The following ATP8A2 variants were observed in gnomAD, a reference collection of about 807,000 sequenced individuals.
ATP8A2 encodes phospholipid-transporting ATPase IB.
ATP8A2 carries 100 observed loss-of-function variants against 165.6 expected under a neutral mutation model. The ratio of observed to expected loss-of-function variants is 0.60; its 90% CI spans 0.51 to 0.71. The LOEUF (loss-of-function observed/expected upper bound fraction) is 0.71, where lower values mean the gene tolerates loss of function less well. ATP8A2 is among the 30% of genes least tolerant of loss of function. The probability of loss-of-function intolerance (pLI) is 0.00; values close to 1 mark genes in which losing one functional copy is unlikely to be tolerated. For missense variants in ATP8A2, 1,227 were observed against 1,479.5 expected, an observed-to-expected ratio of 0.83 and a Z score of 2.80; for synonymous variants, 543 against 548.8, an observed-to-expected ratio of 0.99 and a Z score of 0.15.
intron 33 of ATP8A2, among the ~76,000 whole-genome samples, chr13:25,917,890 T>C (rs919834266): frequency 6.6e-6 from 1 of 152,236 alleles, no homozygotes; most frequent in African/African-American, 2.4e-5. Context: ...ATCACAGCCA[T>C]GGACTGCAGA....
intron 25 of ATP8A2, among the ~76,000 whole-genome samples, chr13:25,699,842 GT>G (rs902871111): frequency 2.5e-4 from 36 of 146,678 alleles, no homozygotes; most frequent in African/African-American, 6.7e-4. Context: ...TCCTGGGAAG[GT>G]TTTTTTTTTT....
At chr13:25,797,851 A>C (rs1273266677) in intron 27 of ATP8A2, among the ~76,000 whole-genome samples, 3 of 152,190 alleles carry the variant, frequency 2.0e-5, no homozygotes, top group Non-Finnish European at 4.4e-5. Flanking sequence ...AAAAGTGTTG[A>C]TATTTCATTA....
At position 25,394,722 on chromosome 13, in the gene ATP8A2, T is replaced by A. The variant is rs189561791; in HGVS notation, c.76+22434T>A. 2.7e-4 allele frequency among the ~76,000 whole-genome samples: 41 copies of A among 152,288 alleles called. 1 individual carries two copies. The highest frequency in any genetic ancestry group is 9.6e-4 in the African/African-American group (40 of 41,562). ...AGATGCAGAAAGGAAAAAAAAAGGCTTACTGTCCTTCCCCTATCTGGCTAA... is the reference window on the plus strand; with the variant it reads ...AGATGCAGAAAGGAAAAAAAAAGGCATACTGTCCTTCCCCTATCTGGCTAA... On this transcript the variant is annotated intron_variant, in intron 1 of 36. Coordinates refer to ENST00000381655, the MANE Select transcript of ATP8A2 (RefSeq NM_016529.6).
intron 2 of ATP8A2, among the ~76,000 whole-genome samples, chr13:25,503,757 G>A (rs2036933028): frequency 6.6e-6 from 1 of 152,152 alleles, no homozygotes; most frequent in African/African-American, 2.4e-5. Context: ...AAAAAAACAA[G>A]CCACAGGATA....
Position 25,562,927 on chromosome 13 carries a change from C to T in ATP8A2, c.1398-1029C>T, listed in dbSNP as rs182477366. Among the ~76,000 whole-genome samples, 381 of 152,340 alleles carry T rather than the reference C, an allele frequency of 2.5e-3. 3 individuals carry two copies. Among genetic ancestry groups the T allele is most frequent in the African/African-American group, 8.6e-3 (358 of 41,584 alleles). On this transcript the variant is annotated intron_variant, in intron 15 of 36. Coordinates refer to ENST00000381655, the MANE Select transcript of ATP8A2 (RefSeq NM_016529.6). ...TGTCTTCCTCCTTCCCTGTACCTCACAGGTGCCTTGTGCTGCCATTTGTTC... is the reference window on the plus strand; with the variant it reads ...TGTCTTCCTCCTTCCCTGTACCTCATAGGTGCCTTGTGCTGCCATTTGTTC...
At chr13:25,968,423 C>T (rs1270706619) in intron 34 of ATP8A2, 152 bp from the exon 35 acceptor site, 3 of 650,206 alleles carry the variant, frequency 4.6e-6, no homozygotes, top group African/African-American at 3.6e-5. Context: ...GAACCTGGGT[C>T]ATGCATGGAG....
At chr13:25,886,268 C>T (rs771747598) in intron 33 of ATP8A2, among the ~76,000 whole-genome samples, 3 of 152,050 alleles carry the variant, frequency 2.0e-5, no homozygotes, top group East Asian at 3.9e-4. Context: ...GTTGGAATGT[C>T]GGGGTGGTGA....
intron 35 of ATP8A2, among the ~76,000 whole-genome samples, chr13:26,009,840 C>A (rs1159353338): frequency 6.6e-6 from 1 of 152,062 alleles, no homozygotes; most frequent in Non-Finnish European, 1.5e-5. Context: ...CTGAAGTGGG[C>A]GGATCACCTG....
intron 25 of ATP8A2, among the ~76,000 whole-genome samples, chr13:25,718,881 G>A (rs974631608): frequency 6.6e-6 from 1 of 152,164 alleles, no homozygotes; most frequent in Admixed American, 6.5e-5. Context: ...TTAGAACTAG[G>A]TAGACAAGTT....
At position 25,961,562 on chromosome 13, in the gene ATP8A2, C is replaced by T. The variant is rs1224564334; in HGVS notation, c.3184-13C>T. The T allele has an allele frequency of 6.2e-7, 1 of 1,600,948 alleles. No individual in the cohort carries two copies. The highest frequency in any genetic ancestry group is 1.7e-5 in the Admixed American group (1 of 59,938). On this transcript the variant is annotated splice_polypyrimidine_tract_variant and intron_variant, in intron 33 of 36. Coordinates refer to ENST00000381655, the MANE Select transcript of ATP8A2 (RefSeq NM_016529.6). ...GAAAGTATTCAAGCAAGTGTCACTTCTATTTCTTGCAGGCAACTATGGTCC... is the reference window on the plus strand; with the variant it reads ...GAAAGTATTCAAGCAAGTGTCACTTTTATTTCTTGCAGGCAACTATGGTCC...
chr13:25,579,011 C>T (rs138619793), intron 21 of ATP8A2, 112 bp downstream of exon 21: 225 of 755,592 alleles, frequency 3.0e-4, no homozygotes, highest in Non-Finnish European at 4.9e-4. Flanking sequence ...CCCTCCTGTG[C>T]CCATGGCAGT....
chr13:25,441,507 C>T (rs1018102297), intron 1 of ATP8A2, among the ~76,000 whole-genome samples: 2 of 152,136 alleles, frequency 1.3e-5, no homozygotes, highest in African/African-American at 2.4e-5. Flanking sequence ...AATACTTGAC[C>T]GTTCTGGGCT....
At chr13:25,939,184 T>C (rs1954998937) in intron 33 of ATP8A2, among the ~76,000 whole-genome samples, 1 of 152,156 alleles carries the variant, frequency 6.6e-6, no homozygotes, top group Non-Finnish European at 1.5e-5. Flanking sequence ...TACTCTCTCT[T>C]TCACCAGCGT....
At chr13:25,673,177 C>A (rs975523705) in intron 24 of ATP8A2, among the ~76,000 whole-genome samples, 2 of 152,226 alleles carry the variant, frequency 1.3e-5, no homozygotes, top group African/African-American at 4.8e-5. Context: ...AGATGAGGGA[C>A]AGAATGCTTT....
At chr13:25,921,538 G>T (rs1254766897) in intron 33 of ATP8A2, among the ~76,000 whole-genome samples, 4 of 150,154 alleles carry the variant, frequency 2.7e-5, no homozygotes, top group African/African-American at 4.9e-5. Context: ...CAGGAAAATT[G>T]CTTGAACCTG....
At chr13:25,686,979 T>G (rs751967008) in intron 24 of ATP8A2, among the ~76,000 whole-genome samples, 5 of 152,108 alleles carry the variant, frequency 3.3e-5, no homozygotes, top group African/African-American at 4.8e-5. Context: ...GTTCCTGTAG[T>G]CGATGTTTCA....
rs1381676725 is a variant in ATP8A2 at position 25,953,530 on chromosome 13, A to C, written c.3184-8045A>C. On this transcript the variant is annotated intron_variant, in intron 33 of 36. Transcript: ENST00000381655. The surrounding 1 kb of genome is among the most constrained non-coding windows in gnomAD (Gnocchi z 6.7). ...GGTTACTCCAGCCTTTTTAAAAAAA[A>C]AAAAAAAAAAAAAAAAGCAAGGGAA... 2.2e-5 allele frequency among the ~76,000 whole-genome samples: 3 copies of C among 136,908 alleles called. No individual in the cohort carries two copies. Among genetic ancestry groups the C allele is most frequent in the African/African-American group, 8.3e-5 (3 of 35,970 alleles). 89.8% of individuals were successfully genotyped at this position (136,908 alleles called of 152,430 possible).
At chr13:25,785,882 A>G (rs2045012049) in intron 27 of ATP8A2, among the ~76,000 whole-genome samples, 1 of 152,232 alleles carries the variant, frequency 6.6e-6, no homozygotes, top group African/African-American at 2.4e-5. Context: ...GTGACGTATC[A>G]CTACCATGAT....
intron 20 of ATP8A2, 26 bp downstream of exon 20, chr13:25,577,164 T>C (rs552870784): frequency 1.2e-6 from 2 of 1,601,474 alleles, no homozygotes; most frequent in African/African-American, 1.3e-5. Flanking sequence ...GCGTTGTGCG[T>C]AGCGGAGTTC....
Sources: gnomAD v4.1 joint callset for allele counts (sites outside exome capture counted in the v4.1 genomes callset) on GRCh38, gnomAD v4.1.1 for gene constraint, Gnocchi (gnomAD v3.1) non-coding constraint, MANE v1.5 for transcripts, NCBI Gene and HGNC (gene_info 2026-07-23, HGNC 2026-07-21) for gene names.